Variants in EPCIP observed in about 807,000 individuals in gnomAD.
The protein encoded by EPCIP is exosomal polycystin 1 interacting protein, also known as exosomal polycystin-1-interacting protein.
the EPCIP span, among the ~76,000 whole-genome samples, chr21:32,809,280 C>CCTCCTTTCTTTCTT: frequency 1.3e-5 from 1 of 78,824 alleles, no homozygotes; most frequent in African/African-American, 6.2e-5. Flanking sequence ...TCCCTCCTTC[C>CCTCCTTTCTTTCTT]TTTCTTTCTT....
the EPCIP span, among the ~76,000 whole-genome samples, chr21:32,808,733 A>G: frequency 6.6e-6 from 1 of 152,356 alleles, no homozygotes; most frequent in African/African-American, 2.4e-5. Flanking sequence ...TATAATAATA[A>G]TGTGTCAATA....
the EPCIP span, among the ~76,000 whole-genome samples, chr21:32,808,562 AT>A: frequency 6.6e-6 from 1 of 152,226 alleles, no homozygotes; most frequent in African/African-American, 2.4e-5. Context: ...ACCAATGAAC[AT>A]TTAAACCTTG....
chr21:32,793,790 T>C, the EPCIP span: 4 of 1,614,232 alleles, frequency 2.5e-6, no homozygotes, highest in East Asian at 8.9e-5. Context: ...AACATAGCTT[T>C]TGTTGCTTGG....
chr21:32,793,298 A>G, the EPCIP span, among the ~76,000 whole-genome samples: 6,604 of 152,244 alleles, frequency 0.043, 186 homozygotes, highest in Non-Finnish European at 0.067. Context: ...GAAATTGATT[A>G]TTCTCTACTT....
At chr21:32,797,717 A>G in the EPCIP span, 1 of 152,220 alleles carries the variant, frequency 6.6e-6, no homozygotes, top group Admixed American at 6.5e-5. Flanking sequence ...ATGTCAGTGT[A>G]CTCAAACTCT....
At chr21:32,794,485 C>A in the EPCIP span, 3 of 1,492,320 alleles carry the variant, frequency 2.0e-6, no homozygotes, top group East Asian at 2.3e-5. Context: ...TTGGAACTCA[C>A]CTGAAAGAAA....
At chr21:32,807,334 CTT>C in the EPCIP span, among the ~76,000 whole-genome samples, 5 of 129,984 alleles carry the variant, frequency 3.8e-5, no homozygotes, top group Non-Finnish European at 6.3e-5. Flanking sequence ...CCTCTTATGC[CTT>C]TTTTTTTTTT....
At chr21:32,795,207 C>A in the EPCIP span, among the ~76,000 whole-genome samples, 6 of 152,192 alleles carry the variant, frequency 3.9e-5, no homozygotes, top group Non-Finnish European at 7.3e-5. Flanking sequence ...GACTTAGCTA[C>A]TCTTATGCCA....
the EPCIP span, among the ~76,000 whole-genome samples, chr21:32,795,011 C>T: frequency 5.1e-4 from 77 of 152,234 alleles, no homozygotes; most frequent in Non-Finnish European, 9.8e-4. Context: ...GCATGAATAC[C>T]AATGAAGCAT....
chr21:32,803,007 C>A, the EPCIP span, among the ~76,000 whole-genome samples: 489 of 152,304 alleles, frequency 3.2e-3, 2 homozygotes, highest in Non-Finnish European at 5.5e-3. Flanking sequence ...AAACATAGCT[C>A]ATTTTCTCAG....
chr21:32,803,363 G>C, the EPCIP span, among the ~76,000 whole-genome samples: 3 of 152,174 alleles, frequency 2.0e-5, no homozygotes, highest in African/African-American at 7.2e-5. Flanking sequence ...AGTGTGGGGT[G>C]GAGACCCACG....
At chr21:32,793,803 T>C in the EPCIP span, 4 of 1,614,188 alleles carry the variant, frequency 2.5e-6, no homozygotes, top group Non-Finnish European at 3.4e-6. Flanking sequence ...TTGCTTGGCA[T>C]TGGGAAGGTT....
At chr21:32,813,651 G>A in the EPCIP span, 74 of 471,206 alleles carry the variant, frequency 1.6e-4, no homozygotes, top group African/African-American at 8.6e-4. Flanking sequence ...GCCTGGCCAC[G>A]GATCCTTCAC....
the EPCIP span, among the ~76,000 whole-genome samples, chr21:32,800,823 CAA>C: frequency 2.4e-4 from 5 of 20,450 alleles, no homozygotes; most frequent in South Asian, 1.9e-3. Context: ...AAAAAAAAAC[CAA>C]AAAAAAAAAA....
At chr21:32,791,702 A>G in the EPCIP span, among the ~76,000 whole-genome samples, 1 of 151,770 alleles carries the variant, frequency 6.6e-6, no homozygotes, top group East Asian at 1.9e-4. Context: ...GAAATTGCAG[A>G]TTATTTCAGT....
At chr21:32,793,590 G>A in the EPCIP span, 1 of 707,796 alleles carries the variant, frequency 1.4e-6, no homozygotes, top group East Asian at 2.5e-5. Context: ...GTTGGGCACA[G>A]AGCAGAACAG....
the EPCIP span, among the ~76,000 whole-genome samples, chr21:32,809,222 T>TGTGTGTGA: frequency 3.3e-5 from 5 of 149,578 alleles, 1 homozygote; most frequent in Admixed American, 2.0e-4. Flanking sequence ...TGTGTGTGTG[T>TGTGTGTGA]GATGTCTCAC....
chr21:32,799,463 G>A, the EPCIP span, among the ~76,000 whole-genome samples: 2 of 152,144 alleles, frequency 1.3e-5, no homozygotes, highest in Non-Finnish European at 2.9e-5. Context: ...TCCAAGTCCT[G>A]GCTTCACAGT....
At chr21:32,803,642 T>TAA in the EPCIP span, among the ~76,000 whole-genome samples, 10 of 138,704 alleles carry the variant, frequency 7.2e-5, no homozygotes, top group Admixed American at 7.4e-4. Context: ...ATGTAAGATA[T>TAA]TTGAAAACGG....
Sources: gnomAD v4.1 joint callset for allele counts (sites outside exome capture counted in the v4.1 genomes callset) on GRCh38, gnomAD v4.1.1 for gene constraint, MANE v1.5 for transcripts, NCBI Gene and HGNC (gene_info 2026-07-23, HGNC 2026-07-21) for gene names.